Variants in APLP2 observed in about 807,000 individuals in gnomAD.
APLP2 encodes the protein CDEI box-binding protein.
Under a neutral mutation model 89.9 loss-of-function variants are expected in APLP2, and 53 were observed. That is an observed-to-expected ratio of 0.59 (90% CI 0.47 to 0.74). The LOEUF (loss-of-function observed/expected upper bound fraction) is 0.74, where lower values mean the gene tolerates loss of function less well. Ranked by LOEUF, APLP2 falls within the 30% of genes least tolerant of loss-of-function variation. APLP2 has a pLI of 0.00. For missense variants in APLP2, 973 were observed against 975.9 expected (o/e 1.00, Z 0.04); for synonymous variants, 372 against 348.6 (o/e 1.07, Z -0.75).
intron 11 of APLP2, among the ~76,000 whole-genome samples, chr11:130,131,031 CT>C (rs1327978831): frequency 6.6e-6 from 1 of 152,212 alleles, no homozygotes; most frequent in Non-Finnish European, 1.5e-5. Context: ...GGTTGACTCC[CT>C]TGAGTGCCCT....
intron 13 of APLP2, 147 bp from the exon 14 acceptor site, chr11:130,140,250 AG>A: frequency 1.8e-6 from 1 of 541,818 alleles, no homozygotes; most frequent in Non-Finnish European, 3.3e-6. Flanking sequence ...GGGCACCCTC[AG>A]ACTTGTGAAC....
intron 1 of APLP2, among the ~76,000 whole-genome samples, chr11:130,091,095 C>A (rs1297963961): frequency 1.4e-4 from 20 of 141,976 alleles, no homozygotes; most frequent in East Asian, 2.2e-4. Context: ...GGGGGGCTGA[C>A]CCCCCCACCT....
intron 1 of APLP2, among the ~76,000 whole-genome samples, chr11:130,094,345 G>C (rs1391772645): frequency 6.6e-6 from 1 of 151,926 alleles, no homozygotes; most frequent in African/African-American, 2.4e-5. Context: ...GAGCCACAGT[G>C]CCTGGCCTAA....
chr11:130,070,651 C>T lies in APLP2; in HGVS notation c.105+569C>T, dbSNP rs756465129. ...CGGGGGAGCTCCCGCGCCAGGCCGC[C>T]CGCTGCTCCCTCTGCCGCCTGGGGC... On this transcript the variant is annotated intron_variant, in intron 1 of 16. Transcript: ENST00000338167. 9.6e-4 allele frequency: 1,418 copies of T among 1,470,532 alleles called. 13 individuals carry two copies. Among genetic ancestry groups the T allele is most frequent in the Non-Finnish European group, 1.0e-4 (116 of 1,116,694 alleles). The allele number at this position is 1,470,532 out of a possible 1,614,324, so 91.1% of individuals were successfully genotyped here. A position where few individuals can be genotyped will look rare whatever the true frequency, so the allele number is the denominator to read the frequency against.
In APLP2 at chr11:130,138,169, T is replaced by C. The variant is rs147105026; in HGVS notation, c.1838-2229T>C. On this transcript the variant is annotated intron_variant, in intron 13 of 16. Coordinates refer to ENST00000338167, the MANE Select transcript of APLP2 (RefSeq NM_001142276.2). The stretch of plus-strand genomic sequence containing the variant: ...ATTTCAACATTTCTTGTTCATAATG[T>C]GTTGTATGAGCCCACCCTTGGCTTT... Among the ~76,000 whole-genome samples the C allele has an allele frequency of 4.9e-3, 739 of 152,314 alleles. 2 individuals carry two copies. The highest frequency in any genetic ancestry group is 0.013 in the South Asian group (63 of 4,826).
chr11:130,133,125 C>CTT (rs757444184), intron 11 of APLP2, among the ~76,000 whole-genome samples: 4 of 141,256 alleles, frequency 2.8e-5, no homozygotes, highest in African/African-American at 5.2e-5. Context: ...ATTATACAGT[C>CTT]TTTTTTTTTT....
intron 1 of APLP2, among the ~76,000 whole-genome samples, chr11:130,075,138 C>T (rs1407054477): frequency 6.6e-6 from 1 of 152,086 alleles, no homozygotes; most frequent in African/African-American, 2.4e-5. Flanking sequence ...ACCTAAGCAT[C>T]GTGAAGTCTT....
intron 2 of APLP2, among the ~76,000 whole-genome samples, chr11:130,110,165 T>C (rs12419844): frequency 0.06 from 9,082 of 152,262 alleles, 280 homozygotes; most frequent in Non-Finnish European, 0.073. Context: ...AGGGTCAAGT[T>C]CTGTAATTTC....
In APLP2 at chr11:130,124,321, G is replaced by A. The variant is rs140847259; in HGVS notation, c.1090+542G>A. Among the ~76,000 whole-genome samples the A allele has an allele frequency of 3.3e-5, 5 of 152,310 alleles. No homozygotes were observed. The East Asian group carries it at 9.6e-4, about 29-fold the overall frequency. ...CACTCTAGAGAGAGCTAGCAGCCAAGTGGTAGTGACTCACTCTGTTTCTTC... is the reference window on the plus strand; with the variant it reads ...CACTCTAGAGAGAGCTAGCAGCCAAATGGTAGTGACTCACTCTGTTTCTTC... On this transcript the variant is annotated intron_variant, in intron 7 of 16. Coordinates refer to ENST00000338167, the MANE Select transcript of APLP2 (RefSeq NM_001142276.2).
At chr11:130,089,414 T>C (rs932070624) in intron 1 of APLP2, among the ~76,000 whole-genome samples, 1 of 152,238 alleles carries the variant, frequency 6.6e-6, no homozygotes, top group African/African-American at 2.4e-5. Flanking sequence ...GTCGCTCTCC[T>C]GTGCCAAGTC....
intron 1 of APLP2, among the ~76,000 whole-genome samples, chr11:130,106,133 G>T (rs932990056): frequency 2.0e-5 from 3 of 152,212 alleles, no homozygotes. Flanking sequence ...AGATCTTATG[G>T]AATAGTTGAT....
chr11:130,101,686 A>G (rs534347492), intron 1 of APLP2, among the ~76,000 whole-genome samples: 7 of 152,340 alleles, frequency 4.6e-5, no homozygotes, highest in Admixed American at 4.6e-4. Flanking sequence ...GACTTTAAAA[A>G]AAGTTGCAAA....
At chr11:130,133,758 T>C in intron 12 of APLP2, 30 bp downstream of exon 12, 1 of 1,537,644 alleles carries the variant, frequency 6.5e-7, no homozygotes, top group Non-Finnish European at 9.0e-7. Flanking sequence ...GTCAAGGTCA[T>C]ACGGGACTTC....
intron 1 of APLP2, among the ~76,000 whole-genome samples, chr11:130,072,218 T>A (rs756799897): frequency 7.2e-5 from 11 of 152,180 alleles, no homozygotes; most frequent in African/African-American, 2.7e-4. Context: ...ACTGAGACAG[T>A]ATTGTGCTGA....
intron 14 of APLP2, 53 bp downstream of exon 14, chr11:130,140,536 A>G (rs905121928): frequency 6.8e-7 from 1 of 1,460,108 alleles, no homozygotes; most frequent in Non-Finnish European, 9.4e-7. Flanking sequence ...GACTCATTAG[A>G]GCGAGTGACC....
intron 1 of APLP2, among the ~76,000 whole-genome samples, chr11:130,095,674 AAAAATT>A (rs1176999354): frequency 1.3e-5 from 2 of 152,242 alleles, no homozygotes; most frequent in Non-Finnish European, 2.9e-5. Context: ...GTCACTTGAC[AAAAATT>A]AAAATTAAGA....
chr11:130,090,641 G>GAA (rs1278039931), intron 1 of APLP2, among the ~76,000 whole-genome samples: 7 of 151,992 alleles, frequency 4.6e-5, no homozygotes, highest in African/African-American at 1.7e-4. Flanking sequence ...AGAACAAAAT[G>GAA]AAAAGTCTCC....
At chr11:130,084,146 T>C (rs1046478164) in intron 1 of APLP2, among the ~76,000 whole-genome samples, 1 of 151,862 alleles carries the variant, frequency 6.6e-6, no homozygotes, top group Non-Finnish European at 1.5e-5. Context: ...CTCGGGAGGC[T>C]GAGGCAGGAG....
chr11:130,121,720 T>C lies in APLP2; in HGVS notation c.623T>C (p.Ile208Thr), dbSNP rs200485579. The C allele has an allele frequency of 6.3e-5, 102 of 1,613,844 alleles. No individual in the cohort carries two copies. The highest frequency in any genetic ancestry group is 3.3e-5 in the Admixed American group (2 of 59,972). Residue 208 changes from isoleucine (I) to threonine (T), a missense_variant, in exon 5 of 17, where the codon ATT becomes ACT. Transcript: ENST00000338167. ...TEYVCCPQTK[I>T]IGSVSKEEEE... ...TATGTGTGCTGCCCTCAGACAAAGATTATTGGATCTGTGTCAAAAGAAGAG... is the reference window on the plus strand; with the variant it reads ...TATGTGTGCTGCCCTCAGACAAAGACTATTGGATCTGTGTCAAAAGAAGAG...
Sources: allele counts gnomAD v4.1 joint callset (sites outside exome capture counted in the v4.1 genomes callset), GRCh38; gene constraint gnomAD v4.1.1; transcripts MANE v1.5; gene names NCBI Gene and HGNC (gene_info 2026-07-23, HGNC 2026-07-21).